CTTN: variants seen among roughly 807,000 people sequenced by gnomAD.
CTTN encodes src substrate cortactin.
In CTTN, 28 loss-of-function variants were observed where a neutral mutation model predicts 84.0. The ratio of observed to expected loss-of-function variants is 0.33; its 90% CI spans 0.25 to 0.46. The LOEUF is 0.46. Among genes scored for constraint, CTTN ranks in the 20% least tolerant of loss-of-function variants. The pLI is 1.00. For synonymous variants in CTTN, 301 were observed against 288.8 expected (o/e 1.04, Z -0.43); for missense variants, 641 against 723.8 (o/e 0.89, Z 1.31).
chr11:70,421,854 A>G (rs1230833355), intron 11 of CTTN: 4 of 423,694 alleles, frequency 9.4e-6, no homozygotes, highest in Non-Finnish European at 1.7e-5. Flanking sequence ...TGACCCATCC[A>G]GTCTCTGGAC....
chr11:70,414,374 G>A (rs913699303), intron 5 of CTTN, among the ~76,000 whole-genome samples, 168 bp from the exon 6 acceptor site: 2 of 151,148 alleles, frequency 1.3e-5, no homozygotes, highest in East Asian at 1.9e-4. Context: ...CCAAGGACCC[G>A]GGCCTCCCAG....
In CTTN at chr11:70,421,141, A is replaced by T. The variant is rs559172740; in HGVS notation, c.791-329A>T. On this transcript the variant is annotated intron_variant, in intron 10 of 17. Transcript: ENST00000301843. ...CTGCAGGGTCTCTCCTCCCGTGTAC[A>T]CAGATACGCACACTCGTCTGCAGTG... is the stretch of plus-strand genomic sequence containing the variant. 6.6e-4 allele frequency among the ~76,000 whole-genome samples: 101 copies of T among 152,322 alleles called. 1 individual carries two copies. The South Asian group carries it at 0.02, about 31-fold the overall frequency.
At chr11:70,422,349 A>G (rs1442990509) in intron 11 of CTTN, 1 of 435,318 alleles carries the variant, frequency 2.3e-6, no homozygotes, top group African/African-American at 2.0e-5. Flanking sequence ...GGGCAGGTAG[A>G]CACACCTGGG....
At chr11:70,416,310 T>C (rs1340889839) in intron 7 of CTTN, 2 of 153,274 alleles carry the variant, frequency 1.3e-5, no homozygotes, top group African/African-American at 4.8e-5. Context: ...GCAGTCTCGG[T>C]GCAGTCTAGG....
intron 5 of CTTN, among the ~76,000 whole-genome samples, 180 bp from the exon 6 acceptor site, chr11:70,414,362 C>T (rs1227408133): frequency 6.6e-6 from 1 of 151,512 alleles, no homozygotes; most frequent in African/African-American, 2.4e-5. Context: ...AAAAAGCCTG[C>T]ACCAAGGACC....
In CTTN at chr11:70,429,195, T is replaced by C; in HGVS notation, c.1172T>C (p.Leu391Pro). Residue 391 changes from leucine (L) to proline (P), a missense_variant, in exon 14 of 18, where the codon CTG becomes CCG. Leu to Pro is a moderately conservative substitution (Grantham distance 98). Around this residue, in one of 3 missense-constraint regions of CTTN, gnomAD observed 289 missense variants for 273.1 expected, o/e 1.06. Coordinates refer to ENST00000301843, the MANE Select transcript of CTTN (RefSeq NM_005231.4). ...GAGCAGGAAGAGGCCAGGAGGAAGC[T>C]GGAGGTGAGTGGCAAGGAGTGGGCC... ...RQEQEEARRK[L>P]EEQARAKTQT... 5 of 1,611,504 alleles carry C rather than the reference T, an allele frequency of 3.1e-6. No homozygotes were observed. The highest frequency in any genetic ancestry group is 4.2e-6 in the Non-Finnish European group (5 of 1,179,236).
In CTTN at chr11:70,420,403, A is replaced by G. The variant is rs538268897; in HGVS notation, c.683A>G (p.Tyr228Cys). 2.5e-6 allele frequency: 4 copies of G among 1,610,712 alleles called. No individual in the cohort carries two copies. The highest frequency in any genetic ancestry group is 2.2e-5 in the South Asian group (2 of 91,012). ...KTEKHESQKD[Y>C]VKGFGGKFGV... Reference sequence around the variant, plus strand: ...TGGCCTTTCATTGTGCATGTAGACTATGTGAAAGGGTTTGGAGGAAAATTT... The same window carrying G: ...TGGCCTTTCATTGTGCATGTAGACTGTGTGAAAGGGTTTGGAGGAAAATTT... Residue 228 changes from tyrosine (Y) to cysteine (C), a missense_variant, in exon 10 of 18, where the codon TAT becomes TGT. Physicochemically the swap from Tyr to Cys is radical, Grantham distance 194. This residue lies in a region of CTTN where 284 missense variants were observed against 348.4 expected (regional missense o/e 0.82). Coordinates refer to ENST00000301843, the MANE Select transcript of CTTN (RefSeq NM_005231.4).
intron 5 of CTTN, among the ~76,000 whole-genome samples, chr11:70,413,387 C>T (rs1346199325): frequency 6.6e-6 from 1 of 152,176 alleles, no homozygotes; most frequent in Non-Finnish European, 1.5e-5. Flanking sequence ...GCCTCAGAAC[C>T]CTGGGGCCTC....
At chr11:70,414,694 G>A (rs748433202) in intron 6 of CTTN, 42 bp downstream of exon 6, 1 of 1,467,052 alleles carries the variant, frequency 6.8e-7, no homozygotes, top group Middle Eastern at 1.7e-4. Flanking sequence ...TTGGGGCAAG[G>A]GGGGCGTTCC....
chr11:70,427,583 C>T (rs143742743), intron 13 of CTTN, among the ~76,000 whole-genome samples: 5 of 152,356 alleles, frequency 3.3e-5, no homozygotes, highest in Non-Finnish European at 7.3e-5. Context: ...TTGAGGGCAG[C>T]GTGGGTGTCC....
At position 70,412,923 on chromosome 11, in the gene CTTN, C is replaced by T. The variant is rs115125623; in HGVS notation, c.292-1619C>T. 4.8e-3 allele frequency among the ~76,000 whole-genome samples: 727 copies of T among 152,362 alleles called. 9 individuals carry two copies. The highest frequency in any genetic ancestry group is 0.017 in the African/African-American group (691 of 41,584). On this transcript the variant is annotated intron_variant, in intron 5 of 17. Transcript: ENST00000301843. ...TGTCTTTAGATCAGTTTTCCTGTAA[C>T]TTCCTTCTGATGAAAACTCATGCTG...
Position 70,433,111 on chromosome 11 carries a change from C to G in CTTN, c.1277C>G (p.Ser426Cys), listed in dbSNP as rs751823467. The G allele has an allele frequency of 1.9e-6, 3 of 1,613,206 alleles. No individual in the cohort carries two copies. The highest frequency in any genetic ancestry group is 2.5e-6 in the Non-Finnish European group (3 of 1,179,834). The change falls in exon 16 of 18, where the codon TCC (serine) becomes TGC (cysteine). Residue 426 changes from serine to cysteine, a missense_variant. This residue lies in a region of CTTN where 289 missense variants were observed against 273.1 expected (regional missense o/e 1.06). Transcript: ENST00000301843. ...GTGACCCTTCCCCAGGATGCGGCTT[C>G]CTTCAAGGCAGAGCTGAGCTACAGA... ...PSSPVYEDAA[S>C]FKAELSYRGP...
Position 70,417,105 on chromosome 11 carries a change from A to G in CTTN, c.550A>G (p.Lys184Glu), listed in dbSNP as rs1565492896. Reference protein sequence around the residue: ...VGFDYQGKTEKHESQRDYSKG... With the variant: ...VGFDYQGKTEEHESQRDYSKG... ...CTTCGACTACCAGGGCAAGACGGAG[A>G]AGCACGAGTCACAGAGAGGTGGGGC... Residue 184 changes from lysine (K) to glutamate (E), a missense_variant, in exon 8 of 18, where the codon AAG (lysine) becomes GAG (glutamate). Physicochemically the swap from Lys to Glu is moderately conservative, Grantham distance 56. Transcript: ENST00000301843. 1.2e-6 allele frequency: 2 copies of G among 1,614,136 alleles called. No individual in the cohort carries two copies. The highest frequency in any genetic ancestry group is 1.1e-5 in the South Asian group (1 of 91,082).
chr11:70,435,864 C>T lies in CTTN; in HGVS notation c.*702C>T. 1 of 1,509,964 alleles carries T rather than the reference C, an allele frequency of 6.6e-7. No individual in the cohort carries two copies. The highest frequency in any genetic ancestry group is 2.3e-5 in the Admixed American group (1 of 43,164). The allele number at this position is 1,509,964 out of a possible 1,614,324, so 93.5% of individuals were successfully genotyped here. A position where few individuals can be genotyped will look rare whatever the true frequency, so the allele number is the denominator to read the frequency against. On this transcript the variant is annotated 3_prime_UTR_variant, in exon 18 of 18. Transcript: ENST00000301843. ...CTGCTGGGAGCCTCTCCTGTCCCCG[C>T]CGGGCAGTGTCACTGAGTCCTTGAA...
intron 8 of CTTN, among the ~76,000 whole-genome samples, chr11:70,419,138 T>C (rs1364189007): frequency 6.7e-6 from 1 of 148,360 alleles, no homozygotes; most frequent in Non-Finnish European, 1.5e-5. Flanking sequence ...GAGATGGAGT[T>C]TCACTCTTGT....
Position 70,407,598 on chromosome 11 carries a change from G to T in CTTN, c.161+7G>T. 3.1e-6 allele frequency: 5 copies of T among 1,612,780 alleles called. No homozygotes were observed. The highest frequency in any genetic ancestry group is 3.4e-6 in the Non-Finnish European group (4 of 1,179,968). On this transcript the variant is annotated splice_region_variant and intron_variant, in intron 4 of 17. Transcript: ENST00000301843. ...GGCACCAGGAGCATATCAAGTAAGA[G>T]GCGTCGCCACCACCCTCCCGAGGGC...
At chr11:70,412,623 G>A (rs1363544889) in intron 5 of CTTN, among the ~76,000 whole-genome samples, 1 of 152,234 alleles carries the variant, frequency 6.6e-6, no homozygotes, top group African/African-American at 2.4e-5. Context: ...TGGACGGGCT[G>A]TCAGGATTCT....
At chr11:70,399,901 CGGCCG>C (rs1226212137) in intron 1 of CTTN, among the ~76,000 whole-genome samples, 2 of 152,144 alleles carry the variant, frequency 1.3e-5, no homozygotes, top group African/African-American at 4.8e-5. Flanking sequence ...CCCTCAAGCC[CGGCCG>C]GGCCCAAGGC....
Position 70,419,807 on chromosome 11 carries a change from C to A in CTTN, c.630C>A (p.Ala210=). 6.2e-7 allele frequency: 1 copy of A among 1,613,306 alleles called. No homozygotes were observed. Among genetic ancestry groups the A allele is most frequent in the Non-Finnish European group, 8.5e-7 (1 of 1,179,874 alleles). ...ACAAGGACAAAGTGGATAAGAGCGC[C>A]GTTGGCTTTGAGTATCAAGGCAAAA... ...GIDKDKVDKS[A]VGFEYQGKTE... The change falls in exon 9 of 18, where the codon GCC becomes GCA. Residue 210 remains alanine, a synonymous_variant. Coordinates refer to ENST00000301843, the MANE Select transcript of CTTN (RefSeq NM_005231.4).
Sources: gnomAD v4.1 joint callset for allele counts (sites outside exome capture counted in the v4.1 genomes callset) on GRCh38, gnomAD v4.1.1 for gene constraint, gnomAD v4.1.1 regional missense constraint, MANE v1.5 for transcripts, NCBI Gene and HGNC (gene_info 2026-07-23, HGNC 2026-07-21) for gene names.